OPCML: variants seen among roughly 807,000 people sequenced by gnomAD.
OPCML encodes the protein opioid-binding protein/cell adhesion molecule.
In OPCML, 13 loss-of-function variants were observed where a neutral mutation model predicts 37.8. That is an observed-to-expected ratio of 0.34 (90% confidence interval 0.22 to 0.55). OPCML has a LOEUF of 0.55. Among genes scored for constraint, OPCML ranks in the 20% least tolerant of loss-of-function variants. The pLI, the probability that OPCML is intolerant of heterozygous loss-of-function variation, is 0.91. For synonymous variants in OPCML, 176 were observed against 168.8 expected, an observed-to-expected ratio of 1.04 and a Z score of -0.33; for missense variants, 341 against 435.6, an observed-to-expected ratio of 0.78 and a Z score of 1.93.
At chr11:132,750,418 G>T (rs1176477491) in intron 2 of OPCML, among the ~76,000 whole-genome samples, 1 of 152,160 alleles carries the variant, frequency 6.6e-6, no homozygotes, top group African/African-American at 2.4e-5. Context: ...CAGAGCACAG[G>T]TGGAGGCTCA....
chr11:132,728,607 A>C (rs1173863766), intron 2 of OPCML, among the ~76,000 whole-genome samples: 1 of 152,200 alleles, frequency 6.6e-6, no homozygotes, highest in East Asian at 1.9e-4. Context: ...CACAGCCTCC[A>C]TGGTGACAGG....
At position 133,488,116 on chromosome 11, in the gene OPCML, C is replaced by A. The variant is rs1044589751; in HGVS notation, c.61+44148G>T. On this transcript the variant is annotated intron_variant, in intron 1 of 7. Transcript: ENST00000524381. ...AAGTAGACATAGAAGGAACACACCT[C>A]AACATAATAAAGGACATATACAACA... Among the ~76,000 whole-genome samples the A allele has an allele frequency of 2.6e-5, 4 of 152,072 alleles. No individual in the cohort carries two copies. The East Asian group carries it at 7.7e-4, about 29-fold the overall frequency.
intron 1 of OPCML, chr11:133,065,398 C>T (rs978964805): frequency 2.6e-5 from 4 of 152,212 alleles, no homozygotes; most frequent in Non-Finnish European, 4.4e-5. Context: ...GGCACCTGCC[C>T]CCTAGCCAGA....
intron 3 of OPCML, among the ~76,000 whole-genome samples, chr11:132,574,245 T>G (rs532945308): frequency 2.3e-3 from 123 of 54,410 alleles, no homozygotes; most frequent in Admixed American, 8.2e-3. Flanking sequence ...AATCTTTGTG[T>G]TTTTTTTTTT....
rs548855197 is a variant in OPCML, at chr11:132,434,540, T to C, written c.916+1546A>G. 9.8e-5 allele frequency among the ~76,000 whole-genome samples: 15 copies of C among 152,286 alleles called. 1 individual carries two copies. Among genetic ancestry groups the C allele is most frequent in the Middle Eastern group, 3.4e-3 (1 of 294 alleles). On this transcript the variant is annotated intron_variant, in intron 7 of 7. Transcript: ENST00000524381. Reference sequence around the variant, plus strand: ...CTAGGTCTCATCCAGTATCTATTCATTAGCTAAGTGGTCTTCAGTGTTACC... The same window carrying C: ...CTAGGTCTCATCCAGTATCTATTCACTAGCTAAGTGGTCTTCAGTGTTACC...
intron 4 of OPCML, among the ~76,000 whole-genome samples, chr11:132,439,675 A>G (rs2096025377): frequency 6.7e-6 from 1 of 149,482 alleles, no homozygotes; most frequent in South Asian, 2.1e-4. Context: ...AACACATCAA[A>G]ATGACGTTCC....
At chr11:133,529,168 G>A (rs532944671) in intron 1 of OPCML, among the ~76,000 whole-genome samples, 2 of 152,366 alleles carry the variant, frequency 1.3e-5, no homozygotes, top group African/African-American at 4.8e-5. Flanking sequence ...TTAAGTGACA[G>A]ACAGAGTGGT....
intron 1 of OPCML, among the ~76,000 whole-genome samples, chr11:133,083,199 C>G (rs1948766383): frequency 6.6e-6 from 1 of 152,198 alleles, no homozygotes; most frequent in Non-Finnish European, 1.5e-5. Flanking sequence ...ACTGGGGCGC[C>G]GCTCGCTTTG....
intron 1 of OPCML, among the ~76,000 whole-genome samples, chr11:133,213,803 T>C (rs1429632236): frequency 1.3e-5 from 2 of 152,212 alleles, no homozygotes; most frequent in Admixed American, 6.5e-5. Context: ...ATCATGTTTA[T>C]TGATCTTATA....
chr11:132,802,516 C>A (rs1199920211), intron 2 of OPCML, among the ~76,000 whole-genome samples: 2 of 152,212 alleles, frequency 1.3e-5, no homozygotes, highest in Non-Finnish European at 2.9e-5. Flanking sequence ...GAAACAATTT[C>A]TGACACCTTC....
intron 2 of OPCML, among the ~76,000 whole-genome samples, chr11:132,715,422 C>G (rs1292963515): frequency 6.6e-6 from 1 of 152,170 alleles, no homozygotes; most frequent in Non-Finnish European, 1.5e-5. Context: ...ATCCTCAGCT[C>G]TGCTACTGCC....
intron 4 of OPCML, among the ~76,000 whole-genome samples, chr11:132,517,567 G>T (rs566697663): frequency 6.6e-6 from 1 of 152,084 alleles, no homozygotes; most frequent in East Asian, 1.9e-4. Flanking sequence ...GAGTCACTGT[G>T]GACCCACTGC....
At chr11:132,463,532 G>A (rs183153280) in intron 4 of OPCML, among the ~76,000 whole-genome samples, 1 of 152,286 alleles carries the variant, frequency 6.6e-6, no homozygotes, top group East Asian at 1.9e-4. Context: ...TGATTCTCAC[G>A]TGCATCATCA....
intron 1 of OPCML, among the ~76,000 whole-genome samples, chr11:133,432,848 G>A (rs1049294854): frequency 1.3e-5 from 2 of 152,076 alleles, no homozygotes; most frequent in African/African-American, 4.8e-5. Flanking sequence ...TATATACCAT[G>A]CAAAATACTA....
At chr11:132,559,280 A>C (rs1217454177) in intron 3 of OPCML, among the ~76,000 whole-genome samples, 1 of 152,062 alleles carries the variant, frequency 6.6e-6, no homozygotes, top group Non-Finnish European at 1.5e-5. Flanking sequence ...TCTGCAGAAA[A>C]CCAAGCAAAT....
intron 1 of OPCML, among the ~76,000 whole-genome samples, chr11:133,314,814 A>G (rs1943165380): frequency 6.6e-6 from 1 of 152,250 alleles, no homozygotes; most frequent in Non-Finnish European, 1.5e-5. Flanking sequence ...GCATCTGTTC[A>G]TCACTGCAGA....
chr11:133,475,621 A>G (rs2053641796), intron 1 of OPCML, among the ~76,000 whole-genome samples: 1 of 152,232 alleles, frequency 6.6e-6, no homozygotes, highest in Admixed American at 6.5e-5. Context: ...TCTTTCCTTC[A>G]TAAACCTACC....
At chr11:132,976,043 A>G (rs145632876) in intron 1 of OPCML, among the ~76,000 whole-genome samples, 198 of 152,312 alleles carry the variant, frequency 1.3e-3, no homozygotes, top group African/African-American at 4.4e-3. Flanking sequence ...CTCTTGAAAC[A>G]TAAGACTAAA....
intron 1 of OPCML, among the ~76,000 whole-genome samples, chr11:133,390,080 A>T (rs1565608933): frequency 6.6e-6 from 1 of 152,238 alleles, no homozygotes; most frequent in Non-Finnish European, 1.5e-5. Context: ...GCTTACATTG[A>T]GAATTTCTAA....
Sources: allele counts gnomAD v4.1 joint callset (sites outside exome capture counted in the v4.1 genomes callset), GRCh38; gene constraint gnomAD v4.1.1; transcripts MANE v1.5; gene names NCBI Gene and HGNC (gene_info 2026-07-23, HGNC 2026-07-21).